COL19A1: variants seen among roughly 807,000 people sequenced by gnomAD.
COL19A1 encodes collagen type XIX alpha 1 chain.
Under a neutral mutation model 190.2 loss-of-function variants are expected in COL19A1, and 159 were observed. That is an observed-to-expected ratio of 0.84 (90% CI 0.73 to 0.95). The LOEUF (loss-of-function observed/expected upper bound fraction) is 0.95. COL19A1 is among the 40% of genes least tolerant of loss of function. The probability of loss-of-function intolerance (pLI) is 0.00; values close to 1 mark genes in which losing one functional copy is unlikely to be tolerated. For missense variants in COL19A1, 1,418 were observed against 1,431.9 expected, an observed-to-expected ratio of 0.99 and a Z score of 0.16; for synonymous variants, 509 against 458.9, an observed-to-expected ratio of 1.11 and a Z score of -1.39.
intron 11 of COL19A1, among the ~76,000 whole-genome samples, chr6:69,982,376 G>T (rs1403706972): frequency 2.6e-5 from 4 of 151,748 alleles, no homozygotes; most frequent in Admixed American, 6.6e-5. Flanking sequence ...CAGTAGCTAG[G>T]ATTACAGGCA....
chr6:69,968,872 A>G (rs1775264496), intron 11 of COL19A1, among the ~76,000 whole-genome samples: 2 of 152,160 alleles, frequency 1.3e-5, no homozygotes, highest in African/African-American at 4.8e-5. Flanking sequence ...AGGAATCAAC[A>G]TTCTTAGTTT....
At chr6:70,163,799 A>C (rs1583062923) in intron 36 of COL19A1, among the ~76,000 whole-genome samples, 1 of 152,122 alleles carries the variant, frequency 6.6e-6, no homozygotes, top group Admixed American at 6.5e-5. Context: ...TAAACAACAA[A>C]CATTTATGCA....
At position 69,888,081 on chromosome 6, in the gene COL19A1, T is replaced by C. The variant is rs1769062795; in HGVS notation, c.91+8423T>C. Among the ~76,000 whole-genome samples, 5 of 152,078 alleles carry C rather than the reference T, an allele frequency of 3.3e-5. No individual in the cohort carries two copies. The South Asian group carries it at 1.0e-3, about 32-fold the overall frequency. On this transcript the variant is annotated intron_variant, in intron 2 of 50. Coordinates refer to ENST00000620364, the MANE Select transcript of COL19A1 (RefSeq NM_001858.6). ...GACAGGGTGTGCTGTTTTGGGGAAA[T>C]GGCAGGTGGAGCTCCCTCAGAGGCC...
At chr6:70,093,674 A>G (rs566933499) in intron 15 of COL19A1, among the ~76,000 whole-genome samples, 16 of 152,290 alleles carry the variant, frequency 1.1e-4, no homozygotes, top group African/African-American at 3.1e-4. Flanking sequence ...AAAAATTATA[A>G]CAGCAAAATA....
intron 15 of COL19A1, among the ~76,000 whole-genome samples, chr6:70,082,804 C>G (rs941089015): frequency 6.6e-6 from 1 of 152,150 alleles, no homozygotes; most frequent in African/African-American, 2.4e-5. Context: ...TTTTCAAGGA[C>G]TGGGGTTGAA....
intron 2 of COL19A1, among the ~76,000 whole-genome samples, chr6:69,888,941 C>G (rs1030516564): frequency 5.3e-5 from 8 of 151,998 alleles, no homozygotes; most frequent in Non-Finnish European, 1.2e-4. Flanking sequence ...GATGTATTGG[C>G]AAAGTAGGAT....
At chr6:70,132,045 A>G (rs1785556634) in intron 18 of COL19A1, among the ~76,000 whole-genome samples, 1 of 152,220 alleles carries the variant, frequency 6.6e-6, no homozygotes, top group South Asian at 2.1e-4. Flanking sequence ...TGATATAAAG[A>G]GACACATAAA....
At chr6:70,071,364 G>A (rs1366354774) in intron 15 of COL19A1, among the ~76,000 whole-genome samples, 1 of 151,868 alleles carries the variant, frequency 6.6e-6, no homozygotes. Flanking sequence ...TTGATTAGTT[G>A]ATTTTATTTT....
intron 12 of COL19A1, among the ~76,000 whole-genome samples, chr6:70,026,212 T>G (rs1287874270): frequency 6.6e-6 from 1 of 152,242 alleles, no homozygotes; most frequent in Admixed American, 6.5e-5. Context: ...TCTTACATTG[T>G]CTGAAAGTAA....
intron 19 of COL19A1, among the ~76,000 whole-genome samples, chr6:70,138,044 T>C (rs1484834288): frequency 6.6e-6 from 1 of 152,198 alleles, no homozygotes; most frequent in Non-Finnish European, 1.5e-5. Flanking sequence ...GTACTAAGCA[T>C]TGGAGCTGTG....
chr6:70,184,687 C>CT lies in COL19A1; in HGVS notation c.2776-9dup, dbSNP rs773244908. 1.1e-5 allele frequency: 18 copies of CT among 1,577,044 alleles called. No homozygotes were observed. Among genetic ancestry groups the CT allele is most frequent in the South Asian group, 2.3e-5 (2 of 87,638 alleles). On this transcript the variant is annotated splice_polypyrimidine_tract_variant and intron_variant, in intron 44 of 50. Coordinates refer to ENST00000620364, the MANE Select transcript of COL19A1 (RefSeq NM_001858.6). ...TAATGCAGAGTTAGAAATATTAATC[C>CT]TTTTTTTCTTTATAGGGAATAAATG...
rs138804129 is a variant in COL19A1 at position 70,142,808 on chromosome 6, G to T, written c.1614G>T (p.Pro538=). Residue 538 remains proline, a synonymous_variant, in exon 23 of 51, where the codon CCG becomes CCT. Coordinates refer to ENST00000620364, the MANE Select transcript of COL19A1 (RefSeq NM_001858.6). ...CAGGCTCCATGGGACCCAGAGGACC[G>T]CCAGGAGATGTTGTATGTATAATGT... is the stretch of plus-strand genomic sequence containing the variant. ...GSAGSMGPRG[P]PGDVGLPGEH... The T allele has an allele frequency of 1.7e-5, 28 of 1,611,798 alleles. No individual in the cohort carries two copies. The highest frequency in any genetic ancestry group is 2.2e-5 in the Non-Finnish European group (26 of 1,178,842).
At chr6:69,995,529 T>TAAAC (rs1776855615) in intron 11 of COL19A1, among the ~76,000 whole-genome samples, 1 of 152,068 alleles carries the variant, frequency 6.6e-6, no homozygotes, top group African/African-American at 2.4e-5. Context: ...GTGATTTTTT[T>TAAAC]TTTTTTTTAC....
chr6:70,190,425 C>A, intron 48 of COL19A1, 44 bp downstream of exon 48: 1 of 1,248,984 alleles, frequency 8.0e-7, no homozygotes, highest in African/African-American at 1.5e-5. Context: ...CACTGATTCC[C>A]ACCTCCCACC....
chr6:70,137,107 T>C (rs1022790849), intron 18 of COL19A1, among the ~76,000 whole-genome samples: 1 of 152,160 alleles, frequency 6.6e-6, no homozygotes, highest in African/African-American at 2.4e-5. Context: ...CTTCAAGGTT[T>C]TTGACCAGAA....
chr6:69,954,206 C>T (rs1234883634), intron 9 of COL19A1, among the ~76,000 whole-genome samples: 1 of 152,026 alleles, frequency 6.6e-6, no homozygotes, highest in African/African-American at 2.4e-5. Flanking sequence ...GGCAAAATTA[C>T]AGCTTATCCA....
rs756958438 is a variant in COL19A1 at position 70,142,045 on chromosome 6, C to G, written c.1541C>G (p.Pro514Arg). The G allele has an allele frequency of 6.2e-7, 1 of 1,612,252 alleles. No individual in the cohort carries two copies. The highest frequency in any genetic ancestry group is 1.7e-5 in the Admixed American group (1 of 59,820). Residue 514 changes from proline (P) to arginine (R), a missense_variant, in exon 22 of 51, where the codon CCC becomes CGC. Pro to Arg is a moderately radical substitution (Grantham distance 103). Transcript: ENST00000620364. Reference sequence around the variant, plus strand: ...TAGGGTGAACCTGGAGATCCCGGACCCCCTGGTTTAATAGGAAGCCCAGGA... The same window carrying G: ...TAGGGTGAACCTGGAGATCCCGGACGCCCTGGTTTAATAGGAAGCCCAGGA... Reference protein sequence around the residue: ...GVKGEPGDPGPPGLIGSPGLK... With the variant: ...GVKGEPGDPGRPGLIGSPGLK...
intron 35 of COL19A1, among the ~76,000 whole-genome samples, 189 bp from the exon 36 acceptor site, chr6:70,163,154 T>C (rs1019626044): frequency 2.0e-5 from 3 of 152,146 alleles, no homozygotes; most frequent in African/African-American, 7.2e-5. Flanking sequence ...CAAATACAAA[T>C]TTTACCCTTC....
chr6:69,943,094 C>T (rs190778159), intron 9 of COL19A1, among the ~76,000 whole-genome samples: 117 of 152,120 alleles, frequency 7.7e-4, no homozygotes, highest in African/African-American at 2.7e-3. Context: ...CCATTCTAAA[C>T]TAGGGTAAGA....
Sources: allele counts gnomAD v4.1 joint callset (sites outside exome capture counted in the v4.1 genomes callset), GRCh38; gene constraint gnomAD v4.1.1; transcripts MANE v1.5; gene names NCBI Gene and HGNC (gene_info 2026-07-23, HGNC 2026-07-21).